The following NAV2 variants were observed in gnomAD, a reference collection of about 807,000 sequenced individuals.
The protein encoded by NAV2 is helicase, APC down-regulated 1.
A neutral mutation model predicts 223.2 loss-of-function variants in NAV2; 54 were observed. The observed-to-expected ratio is 0.24, with a 90% CI of 0.19 to 0.30. The LOEUF (loss-of-function observed/expected upper bound fraction) is 0.30, where lower values mean the gene tolerates loss of function less well. NAV2 is among the 10% of genes least tolerant of loss of function. The pLI is 1.00. For synonymous variants in NAV2, 1,279 were observed against 1,239.3 expected (o/e 1.03, Z -0.67); for missense variants, 2,806 against 3,147.5 (o/e 0.89, Z 2.60).
chr11:19,730,443 G>C (rs934689503), intron 1 of NAV2, among the ~76,000 whole-genome samples: 1 of 152,210 alleles, frequency 6.6e-6, no homozygotes, highest in African/African-American at 2.4e-5. Context: ...ACCCATTGAG[G>C]CTCCAGGGCA....
chr11:20,120,335 A>G lies in NAV2; in HGVS notation c.*2077A>G, dbSNP rs1267597165. 2 of 152,416 alleles carry G rather than the reference A, an allele frequency of 1.3e-5. No individual in the cohort carries two copies. The highest frequency in any genetic ancestry group is 2.9e-5 in the Non-Finnish European group (2 of 68,034). The allele number at this position is 152,416 out of a possible 1,614,324, so 9.4% of individuals were successfully genotyped here. A position where few individuals can be genotyped will look rare whatever the true frequency, so the allele number is the denominator to read the frequency against. On this transcript the variant is annotated 3_prime_UTR_variant, in exon 38 of 38. Transcript: ENST00000349880. Reference sequence around the variant, plus strand: ...CTATTCTGCTTAGCCTTCATTAGTCATCTGGGTGTGAGTGTGTCTTGTTCT... The same window carrying G: ...CTATTCTGCTTAGCCTTCATTAGTCGTCTGGGTGTGAGTGTGTCTTGTTCT...
chr11:19,413,923 T>A (rs1296085764), intron 1 of NAV2, among the ~76,000 whole-genome samples: 2 of 152,148 alleles, frequency 1.3e-5, no homozygotes, highest in Non-Finnish European at 2.9e-5. Context: ...AAGGAAGCAC[T>A]AAATATGGAA....
At chr11:19,825,844 G>A (rs1463462803) in intron 1 of NAV2, among the ~76,000 whole-genome samples, 1 of 152,208 alleles carries the variant, frequency 6.6e-6, no homozygotes, top group Non-Finnish European at 1.5e-5. Flanking sequence ...GGAGTTATAA[G>A]CAAACAAATG....
intron 4 of NAV2, among the ~76,000 whole-genome samples, chr11:19,870,330 T>A (rs2062400485): frequency 6.6e-6 from 1 of 152,068 alleles, no homozygotes; most frequent in South Asian, 2.1e-4. Flanking sequence ...TGGTAGAGAG[T>A]TCTTGTGCTG....
intron 1 of NAV2, among the ~76,000 whole-genome samples, chr11:19,813,341 C>T (rs2058935760): frequency 6.6e-6 from 1 of 152,182 alleles, no homozygotes; most frequent in African/African-American, 2.4e-5. Flanking sequence ...GTGAAGTTTG[C>T]ACAGTCCCTT....
In NAV2 at chr11:20,092,119, G is replaced by T. The variant is rs951345635; in HGVS notation, c.5653-87G>T. 1.0e-5 allele frequency: 14 copies of T among 1,356,306 alleles called. No homozygotes were observed. The African/African-American group carries it at 1.7e-4, about 17-fold the overall frequency. The allele number at this position is 1,356,306 out of a possible 1,614,324, so 84.0% of individuals were successfully genotyped here. A position where few individuals can be genotyped will look rare whatever the true frequency, so the allele number is the denominator to read the frequency against. On this transcript the variant is annotated intron_variant, in intron 27 of 37. Transcript: ENST00000349880. ...TGGGTGGAAGACCAGCCTGGTTTCTGCAGGGAACTTTCAGATCCTTCCTTC... is the reference window on the plus strand; with the variant it reads ...TGGGTGGAAGACCAGCCTGGTTTCTTCAGGGAACTTTCAGATCCTTCCTTC...
intron 1 of NAV2, among the ~76,000 whole-genome samples, chr11:19,410,148 G>A (rs953505536): frequency 6.6e-6 from 1 of 152,142 alleles, no homozygotes; most frequent in Non-Finnish European, 1.5e-5. Flanking sequence ...GGTCCTCCCT[G>A]AGTAATGGGG....
chr11:19,712,711 C>T (rs1306220686), upstream of NAV2: 1 of 151,580 alleles, frequency 6.6e-6, no homozygotes, highest in Non-Finnish European at 1.5e-5. Context: ...CGGCGGCGGC[C>T]AGAGTTTAGG....
chr11:19,360,432 G>A (rs1183252119), intron 1 of NAV2, among the ~76,000 whole-genome samples: 1 of 152,142 alleles, frequency 6.6e-6, no homozygotes, highest in Admixed American at 6.5e-5. Context: ...TTGGAGTTGT[G>A]CCCAATCTCT....
intron 6 of NAV2, among the ~76,000 whole-genome samples, chr11:19,912,119 T>C (rs2043365088): frequency 6.6e-6 from 1 of 152,210 alleles, no homozygotes; most frequent in Admixed American, 6.5e-5. Flanking sequence ...AATGTCTGTG[T>C]TTGGTAGTAG....
At chr11:20,016,150 C>T (rs535926290) in intron 11 of NAV2, among the ~76,000 whole-genome samples, 1 of 152,254 alleles carries the variant, frequency 6.6e-6, no homozygotes, top group Admixed American at 6.5e-5. Context: ...GGAGTAACTT[C>T]GACCTCTTAT....
intron 1 of NAV2, among the ~76,000 whole-genome samples, chr11:19,454,991 C>T (rs1366815003): frequency 1.3e-5 from 2 of 152,196 alleles, no homozygotes; most frequent in African/African-American, 4.8e-5. Context: ...TGCAAATTCT[C>T]AGGCCCCAGC....
intron 6 of NAV2, among the ~76,000 whole-genome samples, chr11:19,916,551 G>T (rs1565554344): frequency 6.6e-6 from 1 of 152,228 alleles, no homozygotes; most frequent in Non-Finnish European, 1.5e-5. Flanking sequence ...AATCGTGTCT[G>T]TCTAACCCTT....
intron 1 of NAV2, among the ~76,000 whole-genome samples, chr11:19,783,066 G>A (rs2056854534): frequency 6.6e-6 from 1 of 152,200 alleles, no homozygotes; most frequent in Non-Finnish European, 1.5e-5. Context: ...GAATCTATAG[G>A]AAAGCAAGGC....
chr11:20,106,175 A>ATATATATGTGTGTGTG (rs11267537), intron 35 of NAV2, among the ~76,000 whole-genome samples: 721 of 35,792 alleles, frequency 0.02, 166 homozygotes, highest in South Asian at 0.044. Flanking sequence ...ATATATATAT[A>ATATATATGTGTGTGTG]TGTGTGTGTA....
At chr11:19,744,798 A>G (rs1343801733) in intron 1 of NAV2, among the ~76,000 whole-genome samples, 2 of 152,108 alleles carry the variant, frequency 1.3e-5, no homozygotes, top group South Asian at 2.1e-4. Context: ...TTCATGCATC[A>G]TCATCTCTTA....
intron 1 of NAV2, among the ~76,000 whole-genome samples, chr11:19,407,308 C>A (rs1468659298): frequency 2.0e-5 from 3 of 152,170 alleles, no homozygotes; most frequent in Non-Finnish European, 2.9e-5. Flanking sequence ...CTAAACAGAG[C>A]CGTGCTGAGA....
chr11:19,881,244 C>T (rs1243961004), intron 5 of NAV2, among the ~76,000 whole-genome samples: 5 of 152,118 alleles, frequency 3.3e-5, no homozygotes, highest in Non-Finnish European at 7.3e-5. Flanking sequence ...AATCAGGTCC[C>T]ATAATTAATT....
intron 11 of NAV2, among the ~76,000 whole-genome samples, chr11:19,994,552 G>GAA (rs1166444365): frequency 1.4e-4 from 9 of 63,006 alleles, no homozygotes; most frequent in East Asian, 8.4e-4. Context: ...CTGTCTCAAA[G>GAA]AAAAAAAAAA....
Sources: gnomAD v4.1 joint callset for allele counts (sites outside exome capture counted in the v4.1 genomes callset) on GRCh38, gnomAD v4.1.1 for gene constraint, MANE v1.5 for transcripts, NCBI Gene and HGNC (gene_info 2026-07-23, HGNC 2026-07-21) for gene names.